The following EMC8 variants were observed in gnomAD, a reference collection of about 807,000 sequenced individuals.
EMC8 encodes COX4 neighbor.
In EMC8, 11 loss-of-function variants were observed where a neutral mutation model predicts 24.3. That is an observed-to-expected ratio of 0.45 (90% CI 0.28 to 0.75). The LOEUF is 0.75. EMC8 is among the 30% of genes least tolerant of loss of function. The probability of loss-of-function intolerance (pLI) is 0.12; values close to 1 mark genes in which losing one functional copy is unlikely to be tolerated. For synonymous variants in EMC8, 145 were observed against 117.7 expected (o/e 1.23, Z -1.50); for missense variants, 277 against 282.7 (o/e 0.98, Z 0.14).
rs184684645 is a variant in EMC8 at position 85,788,969 on chromosome 16, C to G, written c.308+5G>C. Reference sequence around the variant, plus strand: ...TCGCCCACAGAGGGTTCTGCATCCACGTACCTGGCATCCTTTACTCGCTCA... The same window carrying G: ...TCGCCCACAGAGGGTTCTGCATCCAGGTACCTGGCATCCTTTACTCGCTCA... On this transcript the variant is annotated splice_donor_5th_base_variant and intron_variant, in intron 2 of 4. Coordinates refer to ENST00000253457, the MANE Select transcript of EMC8 (RefSeq NM_006067.5). 1.4e-4 allele frequency: 225 copies of G among 1,606,820 alleles called. No individual in the cohort carries two copies. Among genetic ancestry groups the G allele is most frequent in the Non-Finnish European group, 1.9e-4 (222 of 1,173,464 alleles).
intron 1 of EMC8, among the ~76,000 whole-genome samples, chr16:85,798,023 C>T (rs183794256): frequency 1.3e-5 from 2 of 152,004 alleles, no homozygotes; most frequent in East Asian, 3.9e-4. Flanking sequence ...TTTTTTCCCA[C>T]TGTACTTCAA....
intron 1 of EMC8, among the ~76,000 whole-genome samples, chr16:85,796,110 T>G (rs762208189): frequency 3.5e-4 from 54 of 152,116 alleles, no homozygotes; most frequent in Admixed American, 3.3e-4. Flanking sequence ...TCTACATCCA[T>G]CTCTGGTCTC....
At chr16:85,792,572 C>G (rs117711748) in intron 1 of EMC8, 2 of 152,152 alleles carry the variant, frequency 1.3e-5, no homozygotes, top group African/African-American at 4.8e-5. Context: ...TGTGACAGTC[C>G]GGAATCTGGA....
chr16:85,780,683 T>C (rs1904449929), intron 3 of EMC8: 1 of 579,282 alleles, frequency 1.7e-6, no homozygotes, highest in South Asian at 2.1e-5. Flanking sequence ...CATTGTTTTT[T>C]CACAAAAGCG....
chr16:85,797,925 G>C (rs924041114), intron 1 of EMC8, among the ~76,000 whole-genome samples: 1 of 152,100 alleles, frequency 6.6e-6, no homozygotes, highest in African/African-American at 2.4e-5. Context: ...GGAATTTATA[G>C]ATGGTCTTTT....
chr16:85,780,122 C>A (rs1019214276), intron 4 of EMC8: 81 of 600,332 alleles, frequency 1.3e-4, no homozygotes, highest in Middle Eastern at 8.9e-4. Flanking sequence ...TGAGTGGCCA[C>A]AGATACATCA....
At chr16:85,789,223 G>A (rs894362372) in intron 1 of EMC8, among the ~76,000 whole-genome samples, 173 bp from the exon 2 acceptor site, 3 of 152,156 alleles carry the variant, frequency 2.0e-5, no homozygotes, top group Non-Finnish European at 4.4e-5. Flanking sequence ...GTCAGGAAGG[G>A]CAGGACTTTG....
chr16:85,792,086 T>C (rs896043103), intron 1 of EMC8, among the ~76,000 whole-genome samples: 1 of 152,230 alleles, frequency 6.6e-6, no homozygotes, highest in African/African-American at 2.4e-5. Context: ...ATCTCTTTCC[T>C]GGGCTGAAGC....
In EMC8 at chr16:85,799,354, C is replaced by T; in HGVS notation, c.-59G>A. 8.9e-7 allele frequency: 1 copy of T among 1,126,614 alleles called. No individual in the cohort carries two copies. The highest frequency in any genetic ancestry group is 1.2e-6 in the Non-Finnish European group (1 of 836,136). The allele number at this position is 1,126,614 out of a possible 1,614,324, so 69.8% of individuals were successfully genotyped here. A position where few individuals can be genotyped will look rare whatever the true frequency, so the allele number is the denominator to read the frequency against. ...GCGCGGCTGAGGCCTGGACCCGCTG[C>T]CTGGCCGCGCGGCGCCTCAGCCGAG... On this transcript the variant is annotated 5_prime_UTR_variant, in exon 1 of 5. Coordinates refer to ENST00000253457, the MANE Select transcript of EMC8 (RefSeq NM_006067.5). The surrounding 1 kb of genome is among the most constrained non-coding windows in gnomAD (Gnocchi z 4.2).
intron 2 of EMC8, among the ~76,000 whole-genome samples, chr16:85,784,103 A>G (rs1904639076): frequency 6.6e-6 from 1 of 152,080 alleles, no homozygotes; most frequent in African/African-American, 2.4e-5. Flanking sequence ...GGTTCACGCC[A>G]TTCTCCTGCC....
At chr16:85,782,065 G>A (rs1015969425) in intron 2 of EMC8, among the ~76,000 whole-genome samples, 2 of 152,156 alleles carry the variant, frequency 1.3e-5, no homozygotes, top group Non-Finnish European at 2.9e-5. Flanking sequence ...ATCTCCTAAC[G>A]GAAGGCTCCC....
chr16:85,796,336 T>C (rs116773164), intron 1 of EMC8, among the ~76,000 whole-genome samples: 38 of 152,282 alleles, frequency 2.5e-4, no homozygotes, highest in African/African-American at 8.7e-4. Flanking sequence ...CATGCACGAT[T>C]AGTCACCAAG....
At chr16:85,780,776 C>T in intron 3 of EMC8, 2 of 489,234 alleles carry the variant, frequency 4.1e-6, no homozygotes, top group Non-Finnish European at 3.7e-6. Flanking sequence ...ATGTCATCTG[C>T]TCACATACAA....
In EMC8 at chr16:85,778,732, G is replaced by A. The variant is rs772802678; in HGVS notation, c.*976C>T. On this transcript the variant is annotated 3_prime_UTR_variant, in exon 5 of 5. Transcript: ENST00000253457. The stretch of plus-strand genomic sequence containing the variant: ...ATCACAAACCCTTTCAGGTCACACC[G>A]ATCGTTACAAATTCCTCCATGGAGT... 1 of 152,144 alleles carries A rather than the reference G, an allele frequency of 6.6e-6. No individual in the cohort carries two copies. Among genetic ancestry groups the A allele is most frequent in the Admixed American group, 6.5e-5 (1 of 15,276 alleles). 9.4% of individuals were successfully genotyped at this position (152,144 alleles called of 1,614,324 possible).
At chr16:85,797,717 C>T (rs1905297416) in intron 1 of EMC8, among the ~76,000 whole-genome samples, 1 of 152,172 alleles carries the variant, frequency 6.6e-6, no homozygotes, top group Non-Finnish European at 1.5e-5. Flanking sequence ...GAAATGGCTT[C>T]GTTTTACTTG....
In EMC8 at chr16:85,796,078, C is replaced by T. The variant is rs142196042; in HGVS notation, c.231+2987G>A. Among the ~76,000 whole-genome samples, 296 of 152,264 alleles carry T rather than the reference C, an allele frequency of 1.9e-3. 2 individuals are homozygous for T. Among genetic ancestry groups the T allele is most frequent in the Middle Eastern group, 0.014 (4 of 294 alleles). On this transcript the variant is annotated intron_variant, in intron 1 of 4. Transcript: ENST00000253457. ...CCTGCTCTCATGGCTTCAGAAGTCA[C>T]CGGCACACCACTGGTTCTCAATCTA...
rs1479837231 is a variant in EMC8, at chr16:85,781,265, T to G, written c.324A>C (p.Ala108=). The change falls in exon 3 of 5, where the codon GCA becomes GCC. Residue 108 remains alanine (A), a synonymous_variant. Transcript: ENST00000253457. The stretch of plus-strand genomic sequence containing the variant: ...CGGCGATTCTGGAGGCCACCTTCTC[T>G]GCAACCTGGTTTGGACTGTCAAAGA... ...RVKDASPNQV[A]EKVASRIAEG... 3 of 1,595,324 alleles carry G rather than the reference T, an allele frequency of 1.9e-6. No homozygotes were observed. The highest frequency in any genetic ancestry group is 2.6e-6 in the Non-Finnish European group (3 of 1,174,364).
At chr16:85,789,498 A>G (rs1904906070) in intron 1 of EMC8, among the ~76,000 whole-genome samples, 1 of 152,180 alleles carries the variant, frequency 6.6e-6, no homozygotes, top group African/African-American at 2.4e-5. Flanking sequence ...CTCTTTCAAA[A>G]CAAGTCTTTT....
chr16:85,784,578 G>A (rs1904663099), intron 2 of EMC8: 1 of 152,058 alleles, frequency 6.6e-6, no homozygotes, highest in Admixed American at 6.6e-5. Context: ...TTTTCAGGTA[G>A]AAGCCAATCG....
Sources: gnomAD v4.1 joint callset for allele counts (sites outside exome capture counted in the v4.1 genomes callset) on GRCh38, gnomAD v4.1.1 for gene constraint, Gnocchi (gnomAD v3.1) non-coding constraint, MANE v1.5 for transcripts, NCBI Gene and HGNC (gene_info 2026-07-23, HGNC 2026-07-21) for gene names.